LTN1: variants seen among roughly 807,000 people sequenced by gnomAD.
The protein encoded by LTN1 is listerin E3 ubiquitin protein ligase 1.
A neutral mutation model predicts 201.2 loss-of-function variants in LTN1; 88 were observed. That is an observed-to-expected ratio of 0.44 (90% confidence interval 0.37 to 0.52). The LOEUF is 0.52. LTN1 is among the 20% of genes least tolerant of loss of function. LTN1 has a pLI of 0.00. For synonymous variants in LTN1, 645 were observed against 713.5 expected, an observed-to-expected ratio of 0.90 and a Z score of 1.53; for missense variants, 1,752 against 2,038.7, an observed-to-expected ratio of 0.86 and a Z score of 2.71.
intron 28 of LTN1, among the ~76,000 whole-genome samples, chr21:28,931,811 T>C (rs567641023): frequency 2.6e-5 from 4 of 152,244 alleles, no homozygotes; most frequent in South Asian, 2.1e-4. Context: ...TTGACCACCA[T>C]GGCCAACATA....
At chr21:28,975,444 C>A (rs544355801) in intron 6 of LTN1, among the ~76,000 whole-genome samples, 56 of 152,242 alleles carry the variant, frequency 3.7e-4, no homozygotes, top group Non-Finnish European at 6.0e-4. Context: ...CAATGAGAAA[C>A]CTCTATTCCA....
Position 28,966,364 on chromosome 21 carries a change from G to C in LTN1, c.2121+6C>G, listed in dbSNP as rs747306562. 2 of 1,585,350 alleles carry C rather than the reference G, an allele frequency of 1.3e-6. No individual in the cohort carries two copies. The highest frequency in any genetic ancestry group is 1.7e-6 in the Non-Finnish European group (2 of 1,166,404). Reference sequence around the variant, plus strand: ...AATAGTTTGAAAAGATATACAACAGGAATACCTTGGTTAGATCATCCAAGA... The same window carrying C: ...AATAGTTTGAAAAGATATACAACAGCAATACCTTGGTTAGATCATCCAAGA... On this transcript the variant is annotated splice_donor_region_variant and intron_variant, in intron 10 of 29. Transcript: ENST00000361371.
chr21:28,952,493 G>C (rs893836593), intron 17 of LTN1, among the ~76,000 whole-genome samples: 5 of 152,134 alleles, frequency 3.3e-5, no homozygotes, highest in Non-Finnish European at 7.4e-5. Context: ...TCATCCCTAG[G>C]CAACTCCACA....
intron 29 of LTN1, 70 bp downstream of exon 29, chr21:28,931,085 G>A (rs2084207270): frequency 2.2e-6 from 2 of 888,942 alleles, no homozygotes; most frequent in Non-Finnish European, 3.6e-6. Flanking sequence ...GTGTGTGTGT[G>A]TGTGTGTGTG....
intron 18 of LTN1, among the ~76,000 whole-genome samples, 178 bp from the exon 19 acceptor site, chr21:28,947,784 G>A (rs1216320070): frequency 6.7e-6 from 1 of 149,990 alleles, no homozygotes. Context: ...GGTTTTTTTT[G>A]CTCCTTTTCT....
rs963478500 is a variant in LTN1, at chr21:28,966,877, C to T, written c.1614G>A (p.Lys538=). 5.6e-6 allele frequency: 9 copies of T among 1,612,368 alleles called. No homozygotes were observed. The highest frequency in any genetic ancestry group is 1.7e-4 in the Middle Eastern group (1 of 6,058). Reference sequence around the variant, plus strand: ...CAAGTATCTCATCAGCAAATCTAACCTTACCATTTTTTTTTTTACTTGACT... The same window carrying T: ...CAAGTATCTCATCAGCAAATCTAACTTTACCATTTTTTTTTTTACTTGACT... The part of the protein sequence containing the change: ...SLKSSKKKNG[K]VRFADEILES... The change falls in exon 10 of 30, where the codon AAG becomes AAA. Residue 538 remains lysine (K), a synonymous_variant. Transcript: ENST00000361371.
intron 13 of LTN1, 72 bp downstream of exon 13, chr21:28,959,386 T>C (rs1192126474): frequency 1.8e-5 from 28 of 1,516,328 alleles, no homozygotes; most frequent in Non-Finnish European, 2.1e-5. Flanking sequence ...TAATAAAGCC[T>C]GGGCACTTAC....
At position 28,986,556 on chromosome 21, in the gene LTN1, T is replaced by A. The variant is rs2084700042; in HGVS notation, c.246+175A>T. 1.5e-6 allele frequency: 1 copy of A among 659,836 alleles called. No homozygotes were observed. The highest frequency in any genetic ancestry group is 2.6e-6 in the Non-Finnish European group (1 of 386,308). 40.9% of individuals were successfully genotyped at this position (659,836 alleles called of 1,614,324 possible). Reference sequence around the variant, plus strand: ...AAAAGTTCACTGTAACAAACTAATTTACGACCTAGAAAATAAATATCAACT... The same window carrying A: ...AAAAGTTCACTGTAACAAACTAATTAACGACCTAGAAAATAAATATCAACT... On this transcript the variant is annotated intron_variant, in intron 2 of 29. Transcript: ENST00000361371. The surrounding 1 kb of genome is among the most constrained non-coding windows in gnomAD (Gnocchi z 4.1).
At position 28,992,862 on chromosome 21, in the gene LTN1, A is replaced by C. The variant is rs756100996; in HGVS notation, c.-57T>G. 1.2e-6 allele frequency: 2 copies of C among 1,613,714 alleles called. No homozygotes were observed. Among genetic ancestry groups the C allele is most frequent in the Non-Finnish European group, 1.7e-6 (2 of 1,179,882 alleles). On this transcript the variant is annotated 5_prime_UTR_variant, in exon 1 of 30. Transcript: ENST00000361371. ...AGACCCCGGTTGACACGTCCGGGAC[A>C]CAACTTCCGGCTTCTGGCGGCGGAA...
At position 28,946,343 on chromosome 21, in the gene LTN1, T is replaced by C. The variant is rs796982008; in HGVS notation, c.3488-56A>G. ...ATATTTAAGAACTATATCGCTACTATTAAAAAAAAGTCCACTTTGAGAAGT... is the reference window on the plus strand; with the variant it reads ...ATATTTAAGAACTATATCGCTACTACTAAAAAAAAGTCCACTTTGAGAAGT... On this transcript the variant is annotated intron_variant, in intron 19 of 29. Transcript: ENST00000361371. The C allele has an allele frequency of 3.4e-5, 42 of 1,234,282 alleles. No individual in the cohort carries two copies. The African/African-American group carries it at 6.5e-4, about 19-fold the overall frequency. The allele number at this position is 1,234,282 out of a possible 1,614,324, so 76.5% of individuals were successfully genotyped here.
chr21:28,950,137 TTTGA>T (rs1568839474), intron 18 of LTN1, among the ~76,000 whole-genome samples: 1 of 152,212 alleles, frequency 6.6e-6, no homozygotes, highest in African/African-American at 2.4e-5. Flanking sequence ...CTGCTGAAAT[TTTGA>T]TTGAGATCGC....
At position 28,988,349 on chromosome 21, in the gene LTN1, C is replaced by G. The variant is rs1601007618; in HGVS notation, c.43-1415G>C. On this transcript the variant is annotated intron_variant, in intron 1 of 29. Coordinates refer to ENST00000361371, the MANE Select transcript of LTN1 (RefSeq NM_015565.3). Reference sequence around the variant, plus strand: ...AGGCGTGGTGGCATGTGCCTGTAATCCCACCTACTCAGGAGGGTGAGTCAT... The same window carrying G: ...AGGCGTGGTGGCATGTGCCTGTAATGCCACCTACTCAGGAGGGTGAGTCAT... Among the ~76,000 whole-genome samples, 3 of 151,906 alleles carry G rather than the reference C, an allele frequency of 2.0e-5. No homozygotes were observed. In the East Asian group the frequency reaches 5.8e-4, roughly 29 times the overall value.
intron 4 of LTN1, among the ~76,000 whole-genome samples, chr21:28,982,967 T>C (rs1466068996): frequency 2.0e-5 from 3 of 152,338 alleles, no homozygotes; most frequent in Admixed American, 6.5e-5. Flanking sequence ...TCCTGCTTTA[T>C]AGATTATGAA....
At chr21:28,965,393 T>G (rs1250283605) in intron 11 of LTN1, among the ~76,000 whole-genome samples, 1 of 152,220 alleles carries the variant, frequency 6.6e-6, no homozygotes, top group African/African-American at 2.4e-5. Context: ...TTCTTACCAC[T>G]AATTTTCTTA....
In LTN1 at chr21:28,967,279, C is replaced by T. The variant is rs1188982804; in HGVS notation, c.1312-100G>A. The T allele has an allele frequency of 1.3e-5, 11 of 832,732 alleles. No homozygotes were observed. In the South Asian group the frequency reaches 1.8e-4, roughly 14 times the overall value. 51.6% of individuals were successfully genotyped at this position (832,732 alleles called of 1,614,324 possible). A position where few individuals can be genotyped will look rare whatever the true frequency, so the allele number is the denominator to read the frequency against. Reference sequence around the variant, plus strand: ...ATCCTTGGAATCTCCAAAGTGATATCATTTCATAAGCTAATGGGTTGATTG... The same window carrying T: ...ATCCTTGGAATCTCCAAAGTGATATTATTTCATAAGCTAATGGGTTGATTG... On this transcript the variant is annotated intron_variant, in intron 9 of 29. Transcript: ENST00000361371.
chr21:28,957,949 T>C (rs1185450516), intron 14 of LTN1, among the ~76,000 whole-genome samples: 1 of 152,192 alleles, frequency 6.6e-6, no homozygotes, highest in African/African-American at 2.4e-5. Flanking sequence ...CATGAGAGGC[T>C]ACAATGCACA....
intron 21 of LTN1, 77 bp downstream of exon 21, chr21:28,945,730 T>G: frequency 1.0e-3 from 1,299 of 1,290,642 alleles, no homozygotes; most frequent in Non-Finnish European, 1.3e-3. Context: ...ACTTAAAGAA[T>G]GAGATTAGTA....
At chr21:28,959,921 A>G in intron 12 of LTN1, 1 of 257,018 alleles carries the variant, frequency 3.9e-6, no homozygotes, top group Non-Finnish European at 6.2e-6. Context: ...AGTTAGGGTG[A>G]GCAAGTTTGT....
rs751100634 is a variant in LTN1, at chr21:28,943,761, G to C, written c.4126C>G (p.Pro1376Ala). The C allele has an allele frequency of 9.9e-6, 16 of 1,613,818 alleles. No individual in the cohort carries two copies. The highest frequency in any genetic ancestry group is 2.2e-5 in the East Asian group (1 of 44,816). The change falls in exon 23 of 30, where the codon CCA (proline) becomes GCA (alanine). Residue 1376 changes from proline (P) to alanine (A), a missense_variant. This residue lies in a region of LTN1 where 1,211 missense variants were observed against 1,312.8 expected (regional missense o/e 0.92). Coordinates refer to ENST00000361371, the MANE Select transcript of LTN1 (RefSeq NM_015565.3). The part of the protein sequence containing the change: ...RLVADQKTNL[P>A]EYLQTLLNTL... Reference sequence around the variant, plus strand: ...TTTAACAAAGTCTGGAGATATTCTGGTAAGTTTGTTTTTTGGTCAGCAACT... The same window carrying C: ...TTTAACAAAGTCTGGAGATATTCTGCTAAGTTTGTTTTTTGGTCAGCAACT...
Sources: gnomAD v4.1 joint callset for allele counts (sites outside exome capture counted in the v4.1 genomes callset) on GRCh38, gnomAD v4.1.1 for gene constraint, gnomAD v4.1.1 regional missense constraint, Gnocchi (gnomAD v3.1) non-coding constraint, MANE v1.5 for transcripts, NCBI Gene and HGNC (gene_info 2026-07-23, HGNC 2026-07-21) for gene names.